The following ZBTB11 variants were observed in gnomAD, a reference collection of about 807,000 sequenced individuals.
ZBTB11 encodes the protein zinc finger and BTB domain containing 11, also known as zinc finger and BTB domain-containing protein 11.
A neutral mutation model predicts 113.1 loss-of-function variants in ZBTB11; 68 were observed. That is an observed-to-expected ratio of 0.60 (90% CI 0.49 to 0.74). ZBTB11 has a LOEUF of 0.74. ZBTB11 is among the 30% of genes least tolerant of loss of function. The probability of loss-of-function intolerance (pLI) is 0.00; values close to 1 mark genes in which losing one functional copy is unlikely to be tolerated. For synonymous variants in ZBTB11, 518 were observed against 452.6 expected, an observed-to-expected ratio of 1.14 and a Z score of -1.83; for missense variants, 1,104 against 1,279.4, an observed-to-expected ratio of 0.86 and a Z score of 2.09.
At chr3:101,663,520 T>C (rs1326363980) in intron 5 of ZBTB11, among the ~76,000 whole-genome samples, 1 of 152,224 alleles carries the variant, frequency 6.6e-6, no homozygotes, top group Non-Finnish European at 1.5e-5. Flanking sequence ...TCAGTAGCTG[T>C]CTTTTGTTAC....
At chr3:101,660,079 A>C in intron 5 of ZBTB11, 51 bp from the exon 6 acceptor site, 1 of 1,565,196 alleles carries the variant, frequency 6.4e-7, no homozygotes, top group Non-Finnish European at 8.7e-7. Flanking sequence ...ACAAAATGTT[A>C]ACTGAAACTC....
At chr3:101,660,055 A>G in intron 5 of ZBTB11, 27 bp from the exon 6 acceptor site, 1 of 1,597,386 alleles carries the variant, frequency 6.3e-7, no homozygotes, top group Non-Finnish European at 8.6e-7. Context: ...ATTCTCTCTA[A>G]ATGTATTTCC....
At chr3:101,655,607 G>A (rs75720698) in intron 7 of ZBTB11, among the ~76,000 whole-genome samples, 13,630 of 151,920 alleles carry the variant, frequency 0.09, 673 homozygotes, top group Middle Eastern at 0.14. Flanking sequence ...CTACACTGAG[G>A]GAAACAATGA....
chr3:101,676,780 C>T lies in ZBTB11; in HGVS notation c.135G>A (p.Gly45=). 1.2e-6 allele frequency: 2 copies of T among 1,611,068 alleles called. No individual in the cohort carries two copies. The highest frequency in any genetic ancestry group is 8.5e-7 in the Non-Finnish European group (1 of 1,179,012). The change falls in exon 1 of 11, where the codon GGG becomes GGA. Residue 45 remains glycine, a synonymous_variant. Transcript: ENST00000312938. ...GCTGCCGCCGCTGGTAATACAGAGT[C>T]CCGCCGCGCACCACGTAGCAGGCGG... is the stretch of plus-strand genomic sequence containing the variant. ...KAAACYVVRG[G]TLYYQRRQRH... is the part of the protein sequence containing the mutation.
rs146665906 is a variant in ZBTB11 at position 101,672,065 on chromosome 3, T to C, written c.459A>G (p.Glu153=). 8.1e-5 allele frequency: 130 copies of C among 1,614,064 alleles called. No individual in the cohort carries two copies. Among genetic ancestry groups the C allele is most frequent in the Non-Finnish European group, 1.1e-4 (128 of 1,180,022 alleles). The change falls in exon 2 of 11, where the codon GAA becomes GAG. Residue 153 remains glutamate, a synonymous_variant. Coordinates refer to ENST00000312938, the MANE Select transcript of ZBTB11 (RefSeq NM_014415.4). ...LESGEESNES[E]DDLSNFTSSP... ...ATGAAGTAAAGTTGCTCAGGTCATC[T>C]TCCGATTCATTACTTTCTTCTCCAG... is the stretch of plus-strand genomic sequence containing the variant.
chr3:101,674,420 G>C (rs929878367), intron 1 of ZBTB11, among the ~76,000 whole-genome samples: 2 of 151,242 alleles, frequency 1.3e-5, no homozygotes, highest in African/African-American at 4.9e-5. Flanking sequence ...GACCAAAAGA[G>C]GTTGTATTGG....
chr3:101,654,665 A>C lies in ZBTB11; in HGVS notation c.2309+39T>G, dbSNP rs2108315967. The C allele has an allele frequency of 2.0e-6, 3 of 1,521,350 alleles. No homozygotes were observed. In the East Asian group the frequency reaches 6.8e-5, roughly 34 times the overall value. 94.2% of individuals were successfully genotyped at this position (1,521,350 alleles called of 1,614,324 possible). A position where few individuals can be genotyped will look rare whatever the true frequency, so the allele number is the denominator to read the frequency against. ...TTTTTTGAAAACTGAGTAAAAACAT[A>C]ATTAAATTAACTGAATGCCTCACAT... On this transcript the variant is annotated intron_variant, in intron 8 of 10. Coordinates refer to ENST00000312938, the MANE Select transcript of ZBTB11 (RefSeq NM_014415.4).
At position 101,651,387 on chromosome 3, in the gene ZBTB11, G is replaced by C. The variant is rs964275700; in HGVS notation, c.2941C>G (p.Gln981Glu). The change falls in exon 11 of 11, where the codon CAA becomes GAA. Residue 981 changes from glutamine (Q) to glutamate (E), a missense_variant. By Grantham distance (29) the Gln-to-Glu change is conservative. This residue lies in a region of ZBTB11 where 90 missense variants were observed against 98.0 expected (regional missense o/e 0.92). Transcript: ENST00000312938. Reference sequence around the variant, plus strand: ...GTCACTACCACAGTCTCAAGTTCTTGAGGACCACTGCTTTCTTGTTCCTGC... The same window carrying C: ...GTCACTACCACAGTCTCAAGTTCTTCAGGACCACTGCTTTCTTGTTCCTGC... ...GMQEQESSGPQELETVVVTGE... is the reference protein window; with the variant it reads ...GMQEQESSGPEELETVVVTGE... 1.9e-6 allele frequency: 3 copies of C among 1,613,992 alleles called. No homozygotes were observed. Among genetic ancestry groups the C allele is most frequent in the Non-Finnish European group, 2.5e-6 (3 of 1,179,934 alleles).
chr3:101,666,974 C>T (rs1284446470), intron 3 of ZBTB11, among the ~76,000 whole-genome samples: 1 of 152,146 alleles, frequency 6.6e-6, no homozygotes, highest in African/African-American at 2.4e-5. Flanking sequence ...TGGTCTCTAT[C>T]TCTTGACCTT....
At chr3:101,673,579 T>C (rs1467384934) in intron 1 of ZBTB11, among the ~76,000 whole-genome samples, 3 of 152,084 alleles carry the variant, frequency 2.0e-5, no homozygotes, top group Non-Finnish European at 2.9e-5. Flanking sequence ...AGTGGTGGGA[T>C]CCCGGCTCAC....
intron 1 of ZBTB11, 46 bp from the exon 2 acceptor site, chr3:101,672,259 A>T: frequency 7.5e-7 from 1 of 1,327,918 alleles, no homozygotes; most frequent in Non-Finnish European, 1.1e-6. Context: ...TGTTAACTGA[A>T]AACAGAATAT....
chr3:101,671,514 T>A (rs2108327461), intron 2 of ZBTB11, 153 bp from the exon 3 acceptor site: 1 of 635,244 alleles, frequency 1.6e-6, no homozygotes. Context: ...TAAAAAGATA[T>A]GTTGTCCTAT....
intron 7 of ZBTB11, among the ~76,000 whole-genome samples, chr3:101,655,370 A>G (rs1936778041): frequency 6.6e-6 from 1 of 152,238 alleles, no homozygotes; most frequent in African/African-American, 2.4e-5. Context: ...ATGGATTGTA[A>G]TAGTACTAGA....
rs764681021 is a variant in ZBTB11, at chr3:101,651,476, G to C, written c.2852C>G (p.Thr951Ser). ...AGTTCCTTGGTTATGAAACTGAAGG[G>C]TGTCTTTTTCCAGCATAATTTTGCA... is the stretch of plus-strand genomic sequence containing the variant. ...VPCKIMLEKD[T>S]LQFHNQGTQV... Residue 951 changes from threonine (T) to serine (S), a missense_variant, in exon 11 of 11, where the codon ACC becomes AGC. By Grantham distance (58) the Thr-to-Ser change is moderately conservative. Around this residue, in one of 5 missense-constraint regions of ZBTB11, gnomAD observed 148 missense variants for 259.3 expected, o/e 0.57. Transcript: ENST00000312938. 4 of 1,613,982 alleles carry C rather than the reference G, an allele frequency of 2.5e-6. No homozygotes were observed. The African/African-American group carries it at 5.3e-5, about 22-fold the overall frequency.
intron 5 of ZBTB11, 82 bp downstream of exon 5, chr3:101,664,456 A>C: frequency 3.7e-6 from 5 of 1,356,968 alleles, no homozygotes; most frequent in Non-Finnish European, 5.0e-6. Context: ...ATAGAATACA[A>C]GCGAAAAGAT....
In ZBTB11 at chr3:101,651,686, A is replaced by C. The variant is rs775063974; in HGVS notation, c.2645-3T>G. On this transcript the variant is annotated splice_region_variant and splice_polypyrimidine_tract_variant and intron_variant, in intron 10 of 10. Transcript: ENST00000312938. ...TAAGCACTCAAATGGCTTAACTCCTAAAAAAAAAAAAAAAAAAGCATGTGT... is the reference window on the plus strand; with the variant it reads ...TAAGCACTCAAATGGCTTAACTCCTCAAAAAAAAAAAAAAAAAGCATGTGT... 1.5e-5 allele frequency: 1 copy of C among 66,286 alleles called. No homozygotes were observed. The allele number at this position is 66,286 out of a possible 1,614,324, so 4.1% of individuals were successfully genotyped here.
chr3:101,675,345 T>A (rs116063514), intron 1 of ZBTB11, among the ~76,000 whole-genome samples: 2 of 152,366 alleles, frequency 1.3e-5, no homozygotes, highest in Non-Finnish European at 2.9e-5. Flanking sequence ...TGGTTTAAAG[T>A]GGAAAATAAA....
At chr3:101,668,304 G>A (rs1051884723) in intron 3 of ZBTB11, among the ~76,000 whole-genome samples, 5 of 152,048 alleles carry the variant, frequency 3.3e-5, no homozygotes, top group African/African-American at 9.7e-5. Flanking sequence ...AGCACCGCAA[G>A]GTATATAGTT....
At chr3:101,674,696 CAATA>C (rs537374741) in intron 1 of ZBTB11, among the ~76,000 whole-genome samples, 71 of 144,154 alleles carry the variant, frequency 4.9e-4, no homozygotes, top group African/African-American at 1.6e-3. Flanking sequence ...GACTCTGTCT[CAATA>C]AATAAATAAA....
Sources: allele counts gnomAD v4.1 joint callset (sites outside exome capture counted in the v4.1 genomes callset), GRCh38; gene constraint gnomAD v4.1.1; regional missense constraint gnomAD v4.1.1; transcripts MANE v1.5; gene names NCBI Gene and HGNC (gene_info 2026-07-23, HGNC 2026-07-21).